The following NPIPB2 variants were observed in gnomAD, a reference collection of about 807,000 sequenced individuals.
NPIPB2 encodes the protein nuclear pore complex interacting protein family member B2.
In NPIPB2, 27 loss-of-function variants were observed where a neutral mutation model predicts 30.8. The observed-to-expected ratio is 0.88, with a 90% confidence interval of 0.65 to 1.21. The LOEUF is 1.21. Among genes scored for constraint, NPIPB2 ranks in the 50% most tolerant of loss-of-function variants. The probability of loss-of-function intolerance (pLI) is 0.00; values close to 1 mark genes in which losing one functional copy is unlikely to be tolerated. For missense variants in NPIPB2, 440 were observed against 446.2 expected, an observed-to-expected ratio of 0.99 and a Z score of 0.13; for synonymous variants, 147 against 162.0, an observed-to-expected ratio of 0.91 and a Z score of 0.70.
chr16:11,975,970 G>T (rs1343602851), intron 1 of NPIPB2, among the ~76,000 whole-genome samples: 1 of 151,468 alleles, frequency 6.6e-6, no homozygotes, highest in African/African-American at 2.4e-5. Context: ...GGTAGAGAAC[G>T]GCGTCTCGCT....
intron 1 of NPIPB2, among the ~76,000 whole-genome samples, chr16:11,969,649 G>A (rs1052314450): frequency 6.6e-6 from 1 of 152,232 alleles, no homozygotes; most frequent in African/African-American, 2.4e-5. Context: ...GCAGTGCACA[G>A]GTGGTTCTTG....
At position 11,967,819 on chromosome 16, in the gene NPIPB2, A is replaced by C. The variant is rs751473650; in HGVS notation, c.-584+8749T>G. 8.5e-5 allele frequency: 137 copies of C among 1,613,864 alleles called. 1 individual carries two copies. The highest frequency in any genetic ancestry group is 1.1e-4 in the Non-Finnish European group (129 of 1,179,938). Reference sequence around the variant, plus strand: ...CTGCCAGCTGCTTTGAGTGCTACGGAGATAGAGAAATCAATTTCTGCTAGG... The same window carrying C: ...CTGCCAGCTGCTTTGAGTGCTACGGCGATAGAGAAATCAATTTCTGCTAGG... On this transcript the variant is annotated intron_variant, in intron 1 of 5. Coordinates refer to the NPIPB2 transcript ENST00000538896.
chr16:11,938,106 G>C (rs1384187247), intron 1 of NPIPB2, among the ~76,000 whole-genome samples: 3 of 148,968 alleles, frequency 2.0e-5, no homozygotes, highest in Admixed American at 6.7e-5. Flanking sequence ...GCAACCTCCA[G>C]CTCCTGGGCT....
upstream of NPIPB2, among the ~76,000 whole-genome samples, chr16:11,946,677 C>T (rs1348891144): frequency 1.3e-5 from 2 of 152,068 alleles, no homozygotes; most frequent in Non-Finnish European, 2.9e-5. Context: ...CAGAAACTCT[C>T]CCACATTGCC....
intron 1 of NPIPB2, among the ~76,000 whole-genome samples, chr16:11,956,928 C>T (rs1417824882): frequency 6.6e-6 from 1 of 152,174 alleles, no homozygotes; most frequent in East Asian, 1.9e-4. Context: ...GGCCCTGCCT[C>T]CTCATTTAGG....
chr16:11,939,377 C>T (rs1322272195), intron 1 of NPIPB2, among the ~76,000 whole-genome samples: 10 of 151,446 alleles, frequency 6.6e-5, no homozygotes, highest in East Asian at 3.9e-4. Context: ...CTAGCTAACA[C>T]GGTGAAACCC....
At position 11,935,472 on chromosome 16, in the gene NPIPB2, C is replaced by G. The variant is rs529386907; in HGVS notation, c.193-1548G>C. Among the ~76,000 whole-genome samples the G allele has an allele frequency of 2.2e-4, 34 of 152,170 alleles. No homozygotes were observed. In the South Asian group the frequency reaches 6.8e-3, roughly 31 times the overall value. Reference sequence around the variant, plus strand: ...GGGATTACAGGTGTCTGCTACCATGCCTGGCTAATTTTTGTCTTTTTAGTA... The same window carrying G: ...GGGATTACAGGTGTCTGCTACCATGGCTGGCTAATTTTTGTCTTTTTAGTA... On this transcript the variant is annotated intron_variant, in intron 2 of 7. Coordinates refer to ENST00000399147, the Ensembl canonical transcript of NPIPB2.
At chr16:11,933,475 A>T (rs1596489234) in intron 4 of NPIPB2, 42 bp downstream of exon 4, 2 of 1,595,952 alleles carry the variant, frequency 1.3e-6, no homozygotes, top group African/African-American at 2.7e-5. Context: ...TTTGATTGGC[A>T]CATGGTTCAT....
chr16:11,961,239 A>G (rs1224177284), intron 1 of NPIPB2, among the ~76,000 whole-genome samples: 2 of 152,088 alleles, frequency 1.3e-5, no homozygotes, highest in Non-Finnish European at 1.5e-5. Flanking sequence ...TCCAAAGGTC[A>G]GCAATCTGGC....
At chr16:11,965,243 T>C in intron 1 of NPIPB2, 12 of 1,567,778 alleles carry the variant, frequency 7.7e-6, no homozygotes, top group Non-Finnish European at 8.7e-7. Flanking sequence ...TCTTGCTGCA[T>C]TTGCTCTGGA....
At chr16:11,975,142 T>TTTTCTTTTC (rs1491424798) in intron 1 of NPIPB2, among the ~76,000 whole-genome samples, 3 of 2,932 alleles carry the variant, frequency 1.0e-3, no homozygotes, top group Non-Finnish European at 7.6e-3. Context: ...ATCCATCACC[T>TTTTCTTTTC]TTTTTTTTTT....
At chr16:11,948,966 T>C (rs1181369615) in intron 1 of NPIPB2, among the ~76,000 whole-genome samples, 1 of 151,698 alleles carries the variant, frequency 6.6e-6, no homozygotes, top group African/African-American at 2.4e-5. Context: ...AGCAAGACAC[T>C]GTCTCTACAA....
exon 5 of NPIPB2, chr16:11,930,525 T>G: frequency 6.3e-7 from 1 of 1,588,484 alleles, no homozygotes; most frequent in East Asian, 2.2e-5. Flanking sequence ...CTTTTCTGCA[T>G]GCTCACATTC....
chr16:11,935,214 TC>T (rs1596490988), intron 2 of NPIPB2, among the ~76,000 whole-genome samples: 1 of 151,340 alleles, frequency 6.6e-6, no homozygotes, highest in Non-Finnish European at 1.5e-5. Flanking sequence ...ATGCTTTTAA[TC>T]TTCTAAGATA....
upstream of NPIPB2, among the ~76,000 whole-genome samples, chr16:11,945,109 C>G (rs2054992159): frequency 6.6e-6 from 1 of 152,026 alleles, no homozygotes; most frequent in Admixed American, 6.6e-5. Context: ...ATCGCTTGAA[C>G]CCGGGAGGCA....
chr16:11,961,477 T>G (rs1300114573), intron 1 of NPIPB2, among the ~76,000 whole-genome samples: 1 of 152,140 alleles, frequency 6.6e-6, no homozygotes, highest in Admixed American at 6.6e-5. Flanking sequence ...TATTATGGAC[T>G]ACTTTAAAAA....
upstream of NPIPB2, among the ~76,000 whole-genome samples, chr16:11,946,735 G>T (rs80163318): frequency 1.1e-3 from 166 of 152,254 alleles, 4 homozygotes; most frequent in East Asian, 0.023. Flanking sequence ...CAGTTGGAAA[G>T]TTTAATAAAA....
chr16:11,942,668 C>T (rs2054955678), upstream of NPIPB2, among the ~76,000 whole-genome samples: 2 of 152,018 alleles, frequency 1.3e-5, no homozygotes, highest in Non-Finnish European at 2.9e-5. Flanking sequence ...ATCAGCTTCT[C>T]TCCTAAGGTA....
At chr16:11,943,744 A>G (rs2150920952), upstream of NPIPB2, among the ~76,000 whole-genome samples, 1 of 151,208 alleles carries the variant, frequency 6.6e-6, no homozygotes, top group Non-Finnish European at 1.5e-5. Flanking sequence ...CATGCCTGTA[A>G]TCCCAGCACT....
Sources: gnomAD v4.1 joint callset for allele counts (sites outside exome capture counted in the v4.1 genomes callset) on GRCh38, gnomAD v4.1.1 for gene constraint, MANE v1.5 for transcripts, NCBI Gene and HGNC (gene_info 2026-07-23, HGNC 2026-07-21) for gene names.